The following LRRC1 variants were observed in gnomAD, a reference collection of about 807,000 sequenced individuals.
The protein encoded by LRRC1 is leucine-rich repeat-containing protein 1.
LRRC1 carries 28 observed loss-of-function variants against 69.9 expected under a neutral mutation model. That is an observed-to-expected ratio of 0.40 (90% confidence interval 0.30 to 0.55). The LOEUF (loss-of-function observed/expected upper bound fraction) is 0.55, where lower values mean the gene tolerates loss of function less well. Ranked by LOEUF, LRRC1 falls within the 20% of genes least tolerant of loss-of-function variation. The probability of loss-of-function intolerance (pLI) is 0.47; values close to 1 mark genes in which losing one functional copy is unlikely to be tolerated. For missense variants in LRRC1, 498 were observed against 609.0 expected (o/e 0.82, Z 1.92); for synonymous variants, 236 against 240.2 (o/e 0.98, Z 0.16).
At chr6:53,796,413 G>C (rs1764304532) in intron 1 of LRRC1, among the ~76,000 whole-genome samples, 1 of 152,120 alleles carries the variant, frequency 6.6e-6, no homozygotes, top group African/African-American at 2.4e-5. Flanking sequence ...TAATCCAAAG[G>C]TGTGCAGGAA....
chr6:53,872,696 A>C (rs971509113), intron 2 of LRRC1, among the ~76,000 whole-genome samples: 1 of 149,302 alleles, frequency 6.7e-6, no homozygotes, highest in African/African-American at 2.5e-5. Flanking sequence ...CAGCAATTGC[A>C]TTGAATCTAT....
At chr6:53,893,931 AGCCTAT>A in intron 4 of LRRC1, among the ~76,000 whole-genome samples, 2 of 152,310 alleles carry the variant, frequency 1.3e-5, no homozygotes, top group South Asian at 4.1e-4. Context: ...TAGTAACTGT[AGCCTAT>A]GCCATTTGCT....
intron 4 of LRRC1, among the ~76,000 whole-genome samples, chr6:53,887,006 A>G (rs890185718): frequency 2.0e-5 from 3 of 152,328 alleles, no homozygotes; most frequent in Admixed American, 6.5e-5. Context: ...AATACACGTG[A>G]CAAGGTACAG....
At chr6:53,885,220 A>G (rs568345247) in intron 4 of LRRC1, among the ~76,000 whole-genome samples, 18 of 152,366 alleles carry the variant, frequency 1.2e-4, no homozygotes, top group African/African-American at 4.3e-4. Flanking sequence ...TGGAAAATGC[A>G]CTTGAAACAG....
intron 1 of LRRC1, among the ~76,000 whole-genome samples, chr6:53,837,336 A>C (rs1581863657): frequency 6.6e-6 from 1 of 152,306 alleles, no homozygotes; most frequent in East Asian, 1.9e-4. Flanking sequence ...TGTACTGTGC[A>C]TCTTACCTTG....
At position 53,809,674 on chromosome 6, in the gene LRRC1, A is replaced by T. The variant is rs567208142; in HGVS notation, c.159+14259A>T. Among the ~76,000 whole-genome samples the T allele has an allele frequency of 3.4e-3, 520 of 152,390 alleles. 2 individuals carry two copies. The highest frequency in any genetic ancestry group is 0.025 in the South Asian group (120 of 4,826). ...TTTATTTCAATTTTCAGATACAGGTACAAGGTAAATCTGGTCCAAGAGAAG... is the reference window on the plus strand; with the variant it reads ...TTTATTTCAATTTTCAGATACAGGTTCAAGGTAAATCTGGTCCAAGAGAAG... On this transcript the variant is annotated intron_variant, in intron 1 of 13. Transcript: ENST00000370888.
intron 1 of LRRC1, among the ~76,000 whole-genome samples, chr6:53,797,129 TG>T (rs1283343671): frequency 6.6e-6 from 1 of 151,892 alleles, no homozygotes; most frequent in East Asian, 1.9e-4. Context: ...CCTGTAATGT[TG>T]GGGAATTCAG....
At chr6:53,898,438 A>G (rs985692004) in intron 7 of LRRC1, among the ~76,000 whole-genome samples, 4 of 152,244 alleles carry the variant, frequency 2.6e-5, no homozygotes. Context: ...TCTGTAGGAC[A>G]TAAAGGGGAA....
At chr6:53,812,546 C>T (rs991385675) in intron 1 of LRRC1, among the ~76,000 whole-genome samples, 2 of 151,646 alleles carry the variant, frequency 1.3e-5, no homozygotes, top group South Asian at 2.1e-4. Context: ...AAAAATCAGC[C>T]GGGCGTGGTG....
intron 1 of LRRC1, among the ~76,000 whole-genome samples, chr6:53,834,790 G>A (rs534215633): frequency 1.8e-3 from 271 of 152,218 alleles, no homozygotes; most frequent in Non-Finnish European, 3.1e-3. Context: ...TGGCTAACAT[G>A]GTGAAACCCC....
chr6:53,807,771 A>G lies in LRRC1; in HGVS notation c.159+12356A>G, dbSNP rs541120281. Among the ~76,000 whole-genome samples the G allele has an allele frequency of 3.3e-3, 499 of 152,100 alleles. 1 individual carries two copies. Among genetic ancestry groups the G allele is most frequent in the Middle Eastern group, 0.014 (4 of 294 alleles). ...GTCAACAACAACAACAACAACAACA[A>G]CAACAACAACACCCCCCAAAACAAG... On this transcript the variant is annotated intron_variant, in intron 1 of 13. Transcript: ENST00000370888.
chr6:53,804,689 G>C (rs767206635), intron 1 of LRRC1, among the ~76,000 whole-genome samples: 1 of 152,132 alleles, frequency 6.6e-6, no homozygotes, highest in Non-Finnish European at 1.5e-5. Flanking sequence ...TCTTTGCAAT[G>C]ATGAGCCATG....
intron 11 of LRRC1, among the ~76,000 whole-genome samples, chr6:53,914,714 T>G (rs1768513294): frequency 1.3e-5 from 2 of 152,206 alleles, no homozygotes; most frequent in Non-Finnish European, 2.9e-5. Context: ...AGGCTATTCT[T>G]TCTTTTGGGG....
At chr6:53,888,967 GAGTCTAGTTACCAGA>G (rs1289130550) in intron 4 of LRRC1, among the ~76,000 whole-genome samples, 7 of 152,292 alleles carry the variant, frequency 4.6e-5, no homozygotes, top group African/African-American at 1.7e-4. Flanking sequence ...TATCTTATCA[GAGTCTAGTTACCAGA>G]ATATATTTAG....
In LRRC1 at chr6:53,919,229, CTTTTTTTTTTTT is replaced by C. The variant is rs879406589; in HGVS notation, c.1107-254_1107-243del. 6.3e-3 allele frequency: 459 copies of C among 72,290 alleles called. 3 individuals carry two copies. The highest frequency in any genetic ancestry group is 0.022 in the African/African-American group (417 of 18,844). The allele number at this position is 72,290 out of a possible 1,614,324, so 4.5% of individuals were successfully genotyped here. On this transcript the variant is annotated intron_variant, in intron 11 of 13. Transcript: ENST00000370888. Reference sequence around the variant, plus strand: ...AAATGTGTCCTGTAATTTTCTCTCTCTTTTTTTTTTTTTTTTTTTTTTTTTTGCTCTGTAATC... The same window carrying C: ...AAATGTGTCCTGTAATTTTCTCTCTCTTTTTTTTTTTTTTGCTCTGTAATC...
At chr6:53,796,068 C>T (rs1322405004) in intron 1 of LRRC1, among the ~76,000 whole-genome samples, 1 of 152,230 alleles carries the variant, frequency 6.6e-6, no homozygotes, top group Non-Finnish European at 1.5e-5. Context: ...GCCGCCCGGG[C>T]CTTGCCTACG....
At chr6:53,917,752 CT>C (rs1242408701) in intron 11 of LRRC1, among the ~76,000 whole-genome samples, 1 of 152,162 alleles carries the variant, frequency 6.6e-6, no homozygotes, top group African/African-American at 2.4e-5. Context: ...CTTGCTTCCT[CT>C]TTTAAAAGAT....
chr6:53,815,292 G>T (rs1361440734), intron 1 of LRRC1, among the ~76,000 whole-genome samples: 1 of 152,024 alleles, frequency 6.6e-6, no homozygotes, highest in African/African-American at 2.4e-5. Flanking sequence ...AGCCTCTAAT[G>T]GTTATATGAT....
intron 10 of LRRC1, among the ~76,000 whole-genome samples, chr6:53,910,741 C>A (rs1226662523): frequency 1.3e-5 from 2 of 152,204 alleles, no homozygotes; most frequent in Non-Finnish European, 2.9e-5. Flanking sequence ...GTAACATATC[C>A]AAAACCACAA....
Sources: allele counts gnomAD v4.1 joint callset (sites outside exome capture counted in the v4.1 genomes callset), GRCh38; gene constraint gnomAD v4.1.1; transcripts MANE v1.5; gene names NCBI Gene and HGNC (gene_info 2026-07-23, HGNC 2026-07-21).